HIPK2: variants seen among roughly 807,000 people sequenced by gnomAD.
HIPK2 encodes homeodomain-interacting protein kinase 2.
HIPK2 carries 27 observed loss-of-function variants against 113.7 expected under a neutral mutation model. The observed-to-expected ratio is 0.24, with a 90% CI of 0.17 to 0.33. HIPK2 has a LOEUF of 0.33. HIPK2 is among the 10% of genes least tolerant of loss of function. The probability of loss-of-function intolerance (pLI) is 1.00; values close to 1 mark genes in which losing one functional copy is unlikely to be tolerated. For missense variants in HIPK2, 1,257 were observed against 1,588.0 expected (o/e 0.79, Z 3.54); for synonymous variants, 631 against 642.2 (o/e 0.98, Z 0.26).
intron 2 of HIPK2, among the ~76,000 whole-genome samples, chr7:139,685,043 T>C (rs1794175192): frequency 6.6e-6 from 1 of 152,166 alleles, no homozygotes; most frequent in African/African-American, 2.4e-5. Context: ...TCATAAGGTT[T>C]AAGGAAATAA....
chr7:139,574,686 C>T (rs1460787294), intron 14 of HIPK2, among the ~76,000 whole-genome samples: 6 of 152,254 alleles, frequency 3.9e-5, no homozygotes, highest in Non-Finnish European at 8.8e-5. Context: ...CCCCTTCCTC[C>T]AGGTCCTGGG....
chr7:139,634,517 C>T (rs1287310029), intron 2 of HIPK2, among the ~76,000 whole-genome samples: 1 of 152,030 alleles, frequency 6.6e-6, no homozygotes, highest in Non-Finnish European at 1.5e-5. Context: ...CCACCTGTGT[C>T]AGTGTTGGCC....
At chr7:139,597,793 G>C (rs1464607759) in intron 11 of HIPK2, among the ~76,000 whole-genome samples, 1 of 152,140 alleles carries the variant, frequency 6.6e-6, no homozygotes, top group Non-Finnish European at 1.5e-5. Flanking sequence ...AAATTAACCA[G>C]TGTGATTTTT....
intron 2 of HIPK2, among the ~76,000 whole-genome samples, chr7:139,698,789 G>A (rs1794629884): frequency 6.6e-6 from 1 of 152,084 alleles, no homozygotes; most frequent in Non-Finnish European, 1.5e-5. Context: ...CACCAGCACA[G>A]ACACCCAGAA....
intron 1 of HIPK2, among the ~76,000 whole-genome samples, chr7:139,775,001 T>C (rs1796716519): frequency 6.6e-6 from 1 of 152,240 alleles, no homozygotes; most frequent in Non-Finnish European, 1.5e-5. Context: ...TCTGTCTAAA[T>C]CTCTGGCGGT....
At chr7:139,655,822 G>T (rs1030775148) in intron 2 of HIPK2, among the ~76,000 whole-genome samples, 2 of 152,194 alleles carry the variant, frequency 1.3e-5, no homozygotes, top group African/African-American at 4.8e-5. Flanking sequence ...GGGTCAAGAA[G>T]GCTCAGGGTG....
At chr7:139,707,961 A>G (rs140088455) in intron 2 of HIPK2, among the ~76,000 whole-genome samples, 3,622 of 151,866 alleles carry the variant, frequency 0.024, 129 homozygotes, top group African/African-American at 0.083. Flanking sequence ...GACCCCTCCT[A>G]TGGTACCCCC....
At chr7:139,695,398 G>A (rs1794532698) in intron 2 of HIPK2, among the ~76,000 whole-genome samples, 2 of 152,132 alleles carry the variant, frequency 1.3e-5, no homozygotes, top group Non-Finnish European at 2.9e-5. Flanking sequence ...ACAGCCTTGG[G>A]GGCTCGCCAC....
chr7:139,739,601 G>A (rs893415125), intron 1 of HIPK2, among the ~76,000 whole-genome samples: 19 of 150,842 alleles, frequency 1.3e-4, no homozygotes, highest in African/African-American at 4.7e-4. Flanking sequence ...AAAAAAAAAG[G>A]TATAGTTCAG....
chr7:139,720,542 T>C (rs1795376590), intron 1 of HIPK2, among the ~76,000 whole-genome samples: 2 of 152,204 alleles, frequency 1.3e-5, no homozygotes, highest in Non-Finnish European at 2.9e-5. Context: ...TTTGTTCAAG[T>C]CAACATCCCC....
chr7:139,627,335 T>C (rs570838784), intron 5 of HIPK2, among the ~76,000 whole-genome samples: 22 of 151,256 alleles, frequency 1.5e-4, no homozygotes, highest in South Asian at 6.2e-4. Context: ...TGTATGTATG[T>C]ATGCATGTAT....
intron 2 of HIPK2, among the ~76,000 whole-genome samples, chr7:139,638,461 T>C (rs1800886424): frequency 6.6e-6 from 1 of 152,120 alleles, no homozygotes; most frequent in African/African-American, 2.4e-5. Context: ...AAATACTAAC[T>C]GAGCACCCAC....
rs1049468652 is a variant in HIPK2 at position 139,630,942 on chromosome 7, C to G, written c.1347+223G>C. ...GTCATCAAGGCTTATCGGATTAAAT[C>G]CTGGGAGTTCAGCAATCATAAGGTT... On this transcript the variant is annotated intron_variant, in intron 4 of 14. Transcript: ENST00000406875. The surrounding 1 kb of genome is among the most constrained non-coding windows in gnomAD (Gnocchi z 4.0). Among the ~76,000 whole-genome samples the G allele has an allele frequency of 6.6e-6, 1 of 152,232 alleles. No individual in the cohort carries two copies. The highest frequency in any genetic ancestry group is 1.5e-5 in the Non-Finnish European group (1 of 68,042).
intron 2 of HIPK2, among the ~76,000 whole-genome samples, chr7:139,702,145 G>C (rs940858590): frequency 6.6e-6 from 1 of 152,194 alleles, no homozygotes; most frequent in Non-Finnish European, 1.5e-5. Context: ...GCCGGGGCAC[G>C]AGACAGCGGC....
intron 5 of HIPK2, 27 bp downstream of exon 5, chr7:139,628,926 C>T (rs772925640): frequency 9.6e-6 from 15 of 1,568,432 alleles, no homozygotes; most frequent in South Asian, 2.3e-5. Flanking sequence ...AAAGGGCTTA[C>T]GTTGCATACT....
chr7:139,656,293 C>A (rs562800082), intron 2 of HIPK2, among the ~76,000 whole-genome samples: 3 of 152,254 alleles, frequency 2.0e-5, no homozygotes, highest in African/African-American at 7.2e-5. Context: ...GTCCCTCCAC[C>A]CCCACAAAAC....
intron 9 of HIPK2, among the ~76,000 whole-genome samples, chr7:139,605,235 GGTGTGTGTGTGT>G (rs34675356): frequency 1.1e-4 from 16 of 147,658 alleles, no homozygotes; most frequent in Non-Finnish European, 1.7e-4. Context: ...TAGATTCACT[GGTGTGTGTGTGT>G]GTGTGTGTGT....
At chr7:139,686,504 G>A (rs1794225750) in intron 2 of HIPK2, among the ~76,000 whole-genome samples, 1 of 152,194 alleles carries the variant, frequency 6.6e-6, no homozygotes, top group Non-Finnish European at 1.5e-5. Context: ...ATTGAATCAT[G>A]GGGGCAGTTG....
intron 1 of HIPK2, among the ~76,000 whole-genome samples, chr7:139,767,538 GGAA>G (rs1796573603): frequency 6.6e-6 from 1 of 152,230 alleles, no homozygotes; most frequent in Admixed American, 6.5e-5. Context: ...GAGAGGCCAT[GGAA>G]GTCAGTGGCT....
Sources: gnomAD v4.1 joint callset for allele counts (sites outside exome capture counted in the v4.1 genomes callset) on GRCh38, gnomAD v4.1.1 for gene constraint, Gnocchi (gnomAD v3.1) non-coding constraint, MANE v1.5 for transcripts, NCBI Gene and HGNC (gene_info 2026-07-23, HGNC 2026-07-21) for gene names.